The following ZSCAN18 variants were observed in gnomAD, a reference collection of about 807,000 sequenced individuals.
ZSCAN18 encodes the protein zinc finger and SCAN domain-containing protein 18.
A neutral mutation model predicts 31.1 loss-of-function variants in ZSCAN18; 16 were observed. That is an observed-to-expected ratio of 0.51 (90% confidence interval 0.35 to 0.78). ZSCAN18 has a LOEUF of 0.78. Among genes scored for constraint, ZSCAN18 ranks in the 30% least tolerant of loss-of-function variants. ZSCAN18 has a pLI of 0.01. For synonymous variants in ZSCAN18, 375 were observed against 320.7 expected (o/e 1.17, Z -1.81); for missense variants, 731 against 697.4 (o/e 1.05, Z -0.54).
At chr19:58,109,511 G>A (rs7254866) in intron 1 of ZSCAN18, among the ~76,000 whole-genome samples, 2 of 152,222 alleles carry the variant, frequency 1.3e-5, no homozygotes, top group East Asian at 1.9e-4. Flanking sequence ...CTAATAGCCC[G>A]AGACTAGACA....
At chr19:58,086,372 T>C in intron 5 of ZSCAN18, 106 bp from the exon 6 acceptor site, 1 of 964,504 alleles carries the variant, frequency 1.0e-6, no homozygotes, top group South Asian at 1.5e-5. Flanking sequence ...CACCTCCTCT[T>C]CTCTGTACTG....
At chr19:58,104,355 G>C (rs1166102614) in intron 1 of ZSCAN18, among the ~76,000 whole-genome samples, 1 of 150,630 alleles carries the variant, frequency 6.6e-6, no homozygotes, top group Non-Finnish European at 1.5e-5. Context: ...CTCCAGCCTG[G>C]GCAACAGAGT....
At chr19:58,102,499 A>G (rs1355069274), upstream of ZSCAN18, among the ~76,000 whole-genome samples, 2 of 151,614 alleles carry the variant, frequency 1.3e-5, no homozygotes, top group Non-Finnish European at 2.9e-5. Flanking sequence ...CAAACCATAT[A>G]CTCTTCTGTG....
At chr19:58,095,221 G>A (rs1462039481) in intron 1 of ZSCAN18, among the ~76,000 whole-genome samples, 2 of 152,202 alleles carry the variant, frequency 1.3e-5, no homozygotes, top group Non-Finnish European at 2.9e-5. Flanking sequence ...CTGCAGGCAT[G>A]TAATTTTGGC....
chr19:58,108,121 T>G (rs148766243), intron 1 of ZSCAN18: 10 of 988,340 alleles, frequency 1.0e-5, no homozygotes, highest in Non-Finnish European at 1.2e-5. Context: ...ATTTTTTTGA[T>G]GCAAAAGAGC....
chr19:58,089,390 G>A (rs1311455171), intron 2 of ZSCAN18, among the ~76,000 whole-genome samples: 1 of 148,314 alleles, frequency 6.7e-6, no homozygotes, highest in Non-Finnish European at 1.5e-5. Context: ...CACTTTGGGA[G>A]ACCAAGGCGG....
intron 5 of ZSCAN18, chr19:58,086,500 GAA>G: frequency 1.9e-6 from 1 of 513,868 alleles, no homozygotes; most frequent in Non-Finnish European, 3.5e-6. Context: ...CAAAGCTAAA[GAA>G]AGACATTGAC....
At chr19:58,100,657 C>T (rs1181652657), upstream of ZSCAN18, among the ~76,000 whole-genome samples, 1 of 131,948 alleles carries the variant, frequency 7.6e-6, no homozygotes, top group African/African-American at 2.6e-5. Context: ...TGCCTGTAAT[C>T]CCAGCACTCT....
intron 1 of ZSCAN18, among the ~76,000 whole-genome samples, chr19:58,105,561 T>C (rs1349851381): frequency 6.6e-6 from 1 of 152,090 alleles, no homozygotes; most frequent in Non-Finnish European, 1.5e-5. Context: ...CTCGGGAGGC[T>C]GAGGCAGGAG....
chr19:58,102,814 C>T (rs113850249), upstream of ZSCAN18, among the ~76,000 whole-genome samples: 3,148 of 152,232 alleles, frequency 0.021, 110 homozygotes, highest in African/African-American at 0.071. Context: ...CAGATGGTAA[C>T]ATGTACATTT....
At chr19:58,103,776 G>A (rs967243862) in intron 1 of ZSCAN18, among the ~76,000 whole-genome samples, 1 of 144,806 alleles carries the variant, frequency 6.9e-6, no homozygotes, top group African/African-American at 2.5e-5. Flanking sequence ...AGCTAGAAAT[G>A]ATTAAGCTTA....
rs1272699488 is a variant in ZSCAN18 at position 58,090,243 on chromosome 19, C to A, written c.25G>T (p.Ala9Ser). The change falls in exon 2 of 7, where the codon GCC becomes TCC. Residue 9 changes from alanine to serine, a missense_variant. Transcript: ENST00000601144. The surrounding 1 kb of genome is among the most constrained non-coding windows in gnomAD (Gnocchi z 4.7). ...GGGGCTGGGGAGCTCCTGGGGGAGG[C>A]AAACGCCTTCTCCAAAGGCAACATC... Reference protein sequence around the residue: MLPLEKAFASPRSSPAPPD... With the variant: MLPLEKAFSSPRSSPAPPD... 1 of 1,613,344 alleles carries A rather than the reference C, an allele frequency of 6.2e-7. No homozygotes were observed. Among genetic ancestry groups the A allele is most frequent in the Non-Finnish European group, 8.5e-7 (1 of 1,180,026 alleles).
At chr19:58,109,863 GGAAGA>G (rs1031036655) in intron 1 of ZSCAN18, among the ~76,000 whole-genome samples, 6 of 152,102 alleles carry the variant, frequency 3.9e-5, no homozygotes, top group African/African-American at 1.4e-4. Flanking sequence ...CTGCATGGTA[GGAAGA>G]GAATATAAAG....
At chr19:58,107,769 C>A in intron 1 of ZSCAN18, 1 of 991,792 alleles carries the variant, frequency 1.0e-6, no homozygotes, top group Non-Finnish European at 1.2e-6. Context: ...AGGTCTCAGT[C>A]CAATGTGTCA....
chr19:58,102,018 G>C (rs1162105788), upstream of ZSCAN18, among the ~76,000 whole-genome samples: 1 of 151,898 alleles, frequency 6.6e-6, no homozygotes, highest in Admixed American at 6.6e-5. Context: ...GGCATATTAT[G>C]TTTTCTTTTA....
intron 1 of ZSCAN18, chr19:58,107,619 G>A (rs2074645122): frequency 1.0e-6 from 1 of 973,802 alleles, no homozygotes; most frequent in Non-Finnish European, 1.2e-6. Context: ...TGTCATCCAG[G>A]ATTTTTTCTT....
intron 1 of ZSCAN18, among the ~76,000 whole-genome samples, chr19:58,091,265 CAAAAAAAAAA>C (rs5828749): frequency 2.6e-5 from 3 of 116,056 alleles, no homozygotes; most frequent in Non-Finnish European, 3.6e-5. Flanking sequence ...GACTCTGTCT[CAAAAAAAAAA>C]AAAAAAAAGA....
intron 1 of ZSCAN18, among the ~76,000 whole-genome samples, chr19:58,115,546 T>G (rs1295534476): frequency 6.6e-6 from 1 of 152,228 alleles, no homozygotes; most frequent in Non-Finnish European, 1.5e-5. Context: ...CTTGGGTCCT[T>G]TTTTGTTTTT....
intron 1 of ZSCAN18, 126 bp downstream of exon 1, chr19:58,098,048 G>A (rs1295796105): frequency 1.8e-5 from 18 of 985,530 alleles, no homozygotes; most frequent in East Asian, 1.1e-4. Context: ...CACAGCGGGG[G>A]CTCGCACCCC....
Sources: allele counts gnomAD v4.1 joint callset (sites outside exome capture counted in the v4.1 genomes callset), GRCh38; gene constraint gnomAD v4.1.1; non-coding constraint Gnocchi (gnomAD v3.1); transcripts MANE v1.5; gene names NCBI Gene and HGNC (gene_info 2026-07-23, HGNC 2026-07-21).